IGSF10: variants seen among roughly 807,000 people sequenced by gnomAD.
The protein encoded by IGSF10 is calvaria mechanical force protein 608.
A neutral mutation model predicts 128.2 loss-of-function variants in IGSF10; 126 were observed. The ratio of observed to expected loss-of-function variants is 0.98; its 90% confidence interval spans 0.85 to 1.14. The LOEUF is 1.14. IGSF10 is among the 50% of genes most tolerant of loss of function. The pLI, the probability that IGSF10 is intolerant of heterozygous loss-of-function variation, is 0.00. For synonymous variants in IGSF10, 1,185 were observed against 1,146.2 expected (o/e 1.03, Z -0.68); for missense variants, 3,295 against 3,149.8 (o/e 1.05, Z -1.10).
At chr3:151,458,129 G>GTA (rs1211615279) in intron 3 of IGSF10, among the ~76,000 whole-genome samples, 1 of 151,178 alleles carries the variant, frequency 6.6e-6, no homozygotes, top group African/African-American at 2.5e-5. Flanking sequence ...ATATATGTAT[G>GTA]TATGTGTGTG....
the IGSF10 span, among the ~76,000 whole-genome samples, chr3:151,520,920 T>TA: frequency 6.7e-6 from 1 of 150,308 alleles, no homozygotes; most frequent in Non-Finnish European, 1.5e-5. Flanking sequence ...ATGCCCCACT[T>TA]AAAAGGCACA....
chr3:151,447,067 G>A lies in IGSF10; in HGVS notation c.2914C>T (p.His972Tyr). 1.2e-6 allele frequency: 2 copies of A among 1,614,156 alleles called. No individual in the cohort carries two copies. Among genetic ancestry groups the A allele is most frequent in the South Asian group, 1.1e-5 (1 of 91,080 alleles). Residue 972 changes from histidine (H) to tyrosine (Y), a missense_variant, in exon 6 of 8, where the codon CAC (histidine) becomes TAC (tyrosine). His to Tyr is a moderately conservative substitution (Grantham distance 83). Transcript: ENST00000282466. ...SEPRHNHFYS[H>Y]TTQILSTSTF... ...GAGGTGCTAAGTATTTGAGTAGTGT[G>A]AGAATAGAAGTGATTGTGCCTGGGT...
the IGSF10 span, among the ~76,000 whole-genome samples, chr3:151,553,123 T>G: frequency 6.6e-6 from 1 of 152,194 alleles, no homozygotes; most frequent in Admixed American, 6.5e-5. Flanking sequence ...TAGAAACTCA[T>G]GTATACATCT....
chr3:151,454,440 A>G (rs1179018897), intron 4 of IGSF10, among the ~76,000 whole-genome samples: 1 of 152,210 alleles, frequency 6.6e-6, no homozygotes, highest in Non-Finnish European at 1.5e-5. Flanking sequence ...GATTTGTTTC[A>G]AAATAGTTGA....
chr3:151,578,154 C>T, the IGSF10 span, among the ~76,000 whole-genome samples: 1 of 152,006 alleles, frequency 6.6e-6, no homozygotes, highest in African/African-American at 2.4e-5. Context: ...TATTTCATAT[C>T]TTCAATAAAA....
At chr3:151,522,276 G>A in the IGSF10 span, among the ~76,000 whole-genome samples, 1 of 152,024 alleles carries the variant, frequency 6.6e-6, no homozygotes. Flanking sequence ...ACAAAGAGCT[G>A]GTATCATTCC....
chr3:151,490,792 TAAATC>T, the IGSF10 span, among the ~76,000 whole-genome samples: 4 of 151,782 alleles, frequency 2.6e-5, no homozygotes, highest in East Asian at 1.9e-4. Context: ...AGTCAACAAA[TAAATC>T]AAAAGGGAAA....
In IGSF10 at chr3:151,447,186, T is replaced by C. The variant is rs765208701; in HGVS notation, c.2795A>G (p.Asn932Ser). The C allele has an allele frequency of 5.0e-6, 8 of 1,614,114 alleles. No individual in the cohort carries two copies. Among genetic ancestry groups the C allele is most frequent in the South Asian group, 1.1e-5 (1 of 91,088 alleles). Residue 932 changes from asparagine to serine, a missense_variant, in exon 6 of 8, where the codon AAT becomes AGT. Coordinates refer to ENST00000282466, the MANE Select transcript of IGSF10 (RefSeq NM_178822.5). Reference sequence around the variant, plus strand: ...GGTGGTGCTACTAAGCATTTTGACATTGACATCTTTGATCATAGTCCTTAC... The same window carrying C: ...GGTGGTGCTACTAAGCATTTTGACACTGACATCTTTGATCATAGTCCTTAC... ...ITVRTMIKDVNVKMLSSTTNK... is the reference protein window; with the variant it reads ...ITVRTMIKDVSVKMLSSTTNK...
the IGSF10 span, among the ~76,000 whole-genome samples, chr3:151,558,027 A>AT: frequency 1.9e-5 from 1 of 52,930 alleles, no homozygotes; most frequent in African/African-American, 8.7e-5. Context: ...TAATATATAT[A>AT]TTGGTACAAT....
chr3:151,518,672 GTTGTT>G, the IGSF10 span, among the ~76,000 whole-genome samples: 7 of 151,568 alleles, frequency 4.6e-5, no homozygotes, highest in African/African-American at 1.7e-4. Flanking sequence ...TTATCTGCAT[GTTGTT>G]TTATTTAAAA....
the IGSF10 span, among the ~76,000 whole-genome samples, chr3:151,599,972 G>T: frequency 6.6e-6 from 1 of 152,168 alleles, no homozygotes; most frequent in African/African-American, 2.4e-5. Context: ...GATATGTATT[G>T]ATTGGTTTGG....
intron 4 of IGSF10, among the ~76,000 whole-genome samples, chr3:151,455,685 T>C (rs1488482277): frequency 6.6e-6 from 1 of 152,234 alleles, no homozygotes; most frequent in Non-Finnish European, 1.5e-5. Context: ...TTCTACTGTA[T>C]ACATGCACAA....
At chr3:151,561,104 T>C in the IGSF10 span, among the ~76,000 whole-genome samples, 3 of 152,220 alleles carry the variant, frequency 2.0e-5, no homozygotes, top group Non-Finnish European at 4.4e-5. Context: ...TTGTTATTTG[T>C]TTTCTGTCAA....
the IGSF10 span, among the ~76,000 whole-genome samples, chr3:151,472,373 T>A: frequency 0.49 from 73,897 of 151,950 alleles, 18,521 homozygotes; most frequent in African/African-American, 0.61. Context: ...TTTTTCCTTT[T>A]TTGGGGGATC....
the IGSF10 span, among the ~76,000 whole-genome samples, chr3:151,592,034 T>G: frequency 1.3e-5 from 2 of 152,164 alleles, no homozygotes; most frequent in African/African-American, 4.8e-5. Context: ...TGAAATTATA[T>G]GTCTCCTGAA....
At chr3:151,598,304 G>T in the IGSF10 span, among the ~76,000 whole-genome samples, 3 of 152,156 alleles carry the variant, frequency 2.0e-5, no homozygotes, top group Non-Finnish European at 4.4e-5. Context: ...GGCAATGTTT[G>T]TGAGCAAGTT....
chr3:151,467,391 A>T, the IGSF10 span, among the ~76,000 whole-genome samples: 1 of 152,176 alleles, frequency 6.6e-6, no homozygotes, highest in Admixed American at 6.5e-5. Context: ...TCAAGGGAAA[A>T]TCTCAAAAAT....
At chr3:151,543,699 A>T in the IGSF10 span, among the ~76,000 whole-genome samples, 2 of 152,196 alleles carry the variant, frequency 1.3e-5, no homozygotes, top group African/African-American at 4.8e-5. Context: ...AGAGCCAAGT[A>T]TGAACTTACA....
chr3:151,478,185 C>A, the IGSF10 span, among the ~76,000 whole-genome samples: 1 of 152,142 alleles, frequency 6.6e-6, no homozygotes, highest in Non-Finnish European at 1.5e-5. Context: ...CAAACCCATT[C>A]TTAGCTCACC....
Sources: gnomAD v4.1 joint callset for allele counts (sites outside exome capture counted in the v4.1 genomes callset) on GRCh38, gnomAD v4.1.1 for gene constraint, MANE v1.5 for transcripts, NCBI Gene and HGNC (gene_info 2026-07-23, HGNC 2026-07-21) for gene names.